FOXP2: variants seen among roughly 807,000 people sequenced by gnomAD.
The protein encoded by FOXP2 is forkhead box P2.
In FOXP2, 12 loss-of-function variants were observed where a neutral mutation model predicts 115.8. That is an observed-to-expected ratio of 0.10 (90% CI 0.07 to 0.17). FOXP2 has a LOEUF of 0.17. Ranked by LOEUF, FOXP2 falls within the 10% of genes least tolerant of loss-of-function variation. The pLI is 1.00. For synonymous variants in FOXP2, 328 were observed against 297.7 expected (o/e 1.10, Z -1.05); for missense variants, 629 against 843.5 (o/e 0.75, Z 3.15).
intron 2 of FOXP2, chr7:114,499,066 G>C (rs559175833): frequency 1.7e-6 from 1 of 576,496 alleles, no homozygotes; most frequent in African/African-American, 1.9e-5. Context: ...AGAAACCCTG[G>C]GGTTGGAGCT....
chr7:114,193,119 A>G (rs916048656), intron 1 of FOXP2, among the ~76,000 whole-genome samples: 1 of 152,126 alleles, frequency 6.6e-6, no homozygotes, highest in African/African-American at 2.4e-5. Context: ...TACAGAGATA[A>G]AAGACTTTCC....
chr7:114,567,211 A>G (rs112550214), intron 3 of FOXP2, among the ~76,000 whole-genome samples: 27 of 152,254 alleles, frequency 1.8e-4, no homozygotes, highest in African/African-American at 5.3e-4. Context: ...ATTTTGAAGC[A>G]ATAATGACAG....
rs1224179954 is a variant in FOXP2, at chr7:114,370,653, T to TA, written c.-10-55848dup. Among the ~76,000 whole-genome samples the TA allele has an allele frequency of 3.9e-5, 6 of 152,328 alleles. No homozygotes were observed. The East Asian group carries it at 1.2e-3, about 29-fold the overall frequency. On this transcript the variant is annotated intron_variant, in intron 2 of 17. Transcript: ENST00000634411. ...CAGGAAGCTCAAATTCAGAAACTCT[T>TA]AGAGTTCCTGTGTGTTTGAAATGAT... is the stretch of plus-strand genomic sequence containing the variant.
At chr7:114,260,668 T>C (rs955846813) in intron 1 of FOXP2, among the ~76,000 whole-genome samples, 1 of 152,160 alleles carries the variant, frequency 6.6e-6, no homozygotes, top group Non-Finnish European at 1.5e-5. Context: ...CTAAGGATTT[T>C]TTACTTTTCA....
rs574356312 is a variant in FOXP2 at position 114,564,463 on chromosome 7, T to C, written c.258+29757T>C. On this transcript the variant is annotated intron_variant, in intron 3 of 16. Coordinates refer to ENST00000350908, the MANE Select transcript of FOXP2 (RefSeq NM_014491.4). The stretch of plus-strand genomic sequence containing the variant: ...AAAGTATTCTTATTTTTATTCCCAA[T>C]TGAAACTCAACATATTCATAGGAAT... 3.9e-5 allele frequency among the ~76,000 whole-genome samples: 6 copies of C among 152,282 alleles called. No individual in the cohort carries two copies. The East Asian group carries it at 1.2e-3, about 29-fold the overall frequency.
rs1381226147 is a variant in FOXP2 at position 114,691,761 on chromosome 7, G to A, written c.*1835G>A. On this transcript the variant is annotated 3_prime_UTR_variant, in exon 17 of 17. Transcript: ENST00000350908. ...CTTAACATACGTTCCCGTTCCATGT[G>A]ATGGAACCGGTTCTTGCAAACTAAG... 2 of 453,496 alleles carry A rather than the reference G, an allele frequency of 4.4e-6. No homozygotes were observed. The highest frequency in any genetic ancestry group is 4.0e-5 in the African/African-American group (2 of 49,882). 28.1% of individuals were successfully genotyped at this position (453,496 alleles called of 1,614,324 possible).
intron 3 of FOXP2, among the ~76,000 whole-genome samples, chr7:114,577,420 T>C (rs1265006075): frequency 6.6e-6 from 1 of 152,016 alleles, no homozygotes; most frequent in Non-Finnish European, 1.5e-5. Flanking sequence ...ATTGCACTTA[T>C]TTACTTTCAA....
chr7:114,660,846 T>A (rs1277461607), intron 13 of FOXP2, among the ~76,000 whole-genome samples: 2 of 152,162 alleles, frequency 1.3e-5, no homozygotes, highest in Non-Finnish European at 2.9e-5. Flanking sequence ...AAATGAAAGA[T>A]GATTTAATAT....
intron 1 of FOXP2, among the ~76,000 whole-genome samples, chr7:114,242,103 A>T (rs1420836176): frequency 6.6e-6 from 1 of 150,932 alleles, no homozygotes; most frequent in African/African-American, 2.4e-5. Context: ...AATGACTATT[A>T]ATTTAGATGA....
chr7:114,329,691 T>TA (rs1797650585), intron 2 of FOXP2, among the ~76,000 whole-genome samples: 1 of 137,378 alleles, frequency 7.3e-6, no homozygotes, highest in Admixed American at 7.4e-5. Flanking sequence ...TTTATTTATT[T>TA]TATGAGATGC....
At chr7:114,662,460 A>G (rs1163457590) in intron 14 of FOXP2, among the ~76,000 whole-genome samples, 1 of 152,110 alleles carries the variant, frequency 6.6e-6, no homozygotes, top group Non-Finnish European at 1.5e-5. Context: ...AAGATGGAAC[A>G]TGCTTTCTAG....
At chr7:114,187,337 T>C (rs1021097234) in intron 1 of FOXP2, among the ~76,000 whole-genome samples, 6 of 152,212 alleles carry the variant, frequency 3.9e-5, no homozygotes, top group Non-Finnish European at 7.3e-5. Context: ...CAGCCAGATA[T>C]CCTAGTTCAT....
chr7:114,119,713 A>T (rs1040013026), intron 1 of FOXP2, among the ~76,000 whole-genome samples: 1 of 152,160 alleles, frequency 6.6e-6, no homozygotes, highest in African/African-American at 2.4e-5. Context: ...CTTGTCTCAA[A>T]ACAAAAGTAA....
intron 3 of FOXP2, among the ~76,000 whole-genome samples, chr7:114,582,196 A>G (rs1002615312): frequency 3.9e-5 from 6 of 152,208 alleles, no homozygotes; most frequent in Admixed American, 1.3e-4. Flanking sequence ...AGAGAGAGGT[A>G]GTTAATCTTT....
At chr7:114,685,493 C>T (rs1285729011) in intron 16 of FOXP2, among the ~76,000 whole-genome samples, 1 of 152,048 alleles carries the variant, frequency 6.6e-6, no homozygotes, top group African/African-American at 2.4e-5. Flanking sequence ...ATGACAAACT[C>T]TTCTTGGCTT....
intron 2 of FOXP2, among the ~76,000 whole-genome samples, chr7:114,512,271 C>G (rs1472602488): frequency 6.6e-6 from 1 of 152,172 alleles, no homozygotes; most frequent in Admixed American, 6.5e-5. Context: ...CACTAACAGG[C>G]AGTCCCTCAT....
intron 1 of FOXP2, among the ~76,000 whole-genome samples, chr7:114,092,712 TA>T (rs201267678): frequency 3.6e-4 from 54 of 152,012 alleles, no homozygotes; most frequent in Non-Finnish European, 6.2e-4. Flanking sequence ...CATTTTTTTT[TA>T]AAAAAAGATC....
intron 2 of FOXP2, among the ~76,000 whole-genome samples, chr7:114,434,912 T>G (rs1372288579): frequency 6.6e-6 from 1 of 152,176 alleles, no homozygotes; most frequent in East Asian, 1.9e-4. Flanking sequence ...AGAAAAATCT[T>G]TCGTCTGTCT....
At chr7:114,298,336 T>A (rs1323627864) in intron 2 of FOXP2, among the ~76,000 whole-genome samples, 2 of 152,210 alleles carry the variant, frequency 1.3e-5, no homozygotes, top group Admixed American at 1.3e-4. Context: ...CTTTTCAAAA[T>A]ACTTCATTGT....
Sources: allele counts gnomAD v4.1 joint callset (sites outside exome capture counted in the v4.1 genomes callset), GRCh38; gene constraint gnomAD v4.1.1; transcripts MANE v1.5; gene names NCBI Gene and HGNC (gene_info 2026-07-23, HGNC 2026-07-21).